POSTN: variants seen among roughly 807,000 people sequenced by gnomAD.
The protein encoded by POSTN is osteoblast specific factor 2 (fasciclin I-like).
POSTN carries 71 observed loss-of-function variants against 104.5 expected under a neutral mutation model. The observed-to-expected ratio is 0.68, with a 90% CI of 0.56 to 0.83. The LOEUF is 0.83. Ranked by LOEUF, POSTN falls within the 40% of genes least tolerant of loss-of-function variation. The pLI, the probability that POSTN is intolerant of heterozygous loss-of-function variation, is 0.00. For synonymous variants in POSTN, 355 were observed against 340.7 expected (o/e 1.04, Z -0.46); for missense variants, 949 against 1,006.8 (o/e 0.94, Z 0.78).
chr13:37,598,609 C>G lies in POSTN; in HGVS notation c.118G>C (p.Gly40Arg). 6.2e-7 allele frequency: 1 copy of G among 1,610,376 alleles called. No individual in the cohort carries two copies. Among genetic ancestry groups the G allele is most frequent in the Non-Finnish European group, 8.5e-7 (1 of 1,177,404 alleles). ...TATAAAACCAAACCACTCACTTACC[C>G]TTGGTCCCGACCCCTGATACGACTA... is the stretch of plus-strand genomic sequence containing the variant. ...AHSRIRGRDQ[G>R]PNVCALQQIL... Residue 40 changes from glycine to arginine, a missense_variant and splice_region_variant, in exon 1 of 23, where the codon GGC becomes CGC. Physicochemically the swap from Gly to Arg is moderately radical, Grantham distance 125 (BLOSUM62 -2). Transcript: ENST00000379747.
intron 16 of POSTN, among the ~76,000 whole-genome samples, chr13:37,576,745 A>G (rs1950421652): frequency 1.3e-5 from 2 of 152,130 alleles, no homozygotes; most frequent in Non-Finnish European, 2.9e-5. Context: ...AATCATAACT[A>G]TTCCAATTAA....
intron 11 of POSTN, among the ~76,000 whole-genome samples, 190 bp from the exon 12 acceptor site, chr13:37,580,181 C>T (rs1290394559): frequency 1.3e-5 from 2 of 152,146 alleles, no homozygotes; most frequent in Admixed American, 6.5e-5. Flanking sequence ...ATATACAATA[C>T]AATTTTTAAT....
Position 37,569,302 on chromosome 13 carries a change from C to A in POSTN, c.2429G>T (p.Gly810Val). 6.2e-7 allele frequency: 1 copy of A among 1,610,058 alleles called. No individual in the cohort carries two copies. The highest frequency in any genetic ancestry group is 1.1e-5 in the South Asian group (1 of 90,968). Residue 810 changes from glycine to valine, a missense_variant and splice_region_variant, in exon 21 of 23, where the codon GGA (glycine) becomes GTA (valine). Transcript: ENST00000379747. Reference sequence around the variant, plus strand: ...TTAGTTGTTGTCCTTTTACTAACCTCCCTGAAGCAGTCTTTTAATTTCTTC... The same window carrying A: ...TTAGTTGTTGTCCTTTTACTAACCTACCTGAAGCAGTCTTTTAATTTCTTC... ...EDEEIKRLLQ[G>V]DTPVRKLQAN... is the part of the protein sequence containing the mutation.
In POSTN at chr13:37,584,901, G is replaced by T; in HGVS notation, c.923C>A (p.Thr308Asn). ...EALMKYHILN[T>N]LQCSESIMGG... ...CATAATAGACTCAGAACACTGGAGA[G>T]TATTTAAGATGTGGTACTTCATAAG... Residue 308 changes from threonine to asparagine, a missense_variant, in exon 8 of 23, where the codon ACT becomes AAT. Transcript: ENST00000379747. 1 of 1,613,798 alleles carries T rather than the reference G, an allele frequency of 6.2e-7. No homozygotes were observed. Among genetic ancestry groups the T allele is most frequent in the Non-Finnish European group, 8.5e-7 (1 of 1,179,892 alleles).
At chr13:37,577,240 A>G (rs982637107) in intron 16 of POSTN, among the ~76,000 whole-genome samples, 1 of 152,158 alleles carries the variant, frequency 6.6e-6, no homozygotes, top group African/African-American at 2.4e-5. Flanking sequence ...GAAACTTTAA[A>G]TTTGTCACAT....
At chr13:37,571,941 T>G (rs1048354364) in intron 17 of POSTN, among the ~76,000 whole-genome samples, 1 of 151,614 alleles carries the variant, frequency 6.6e-6, no homozygotes, top group Non-Finnish European at 1.5e-5. Context: ...GGAGTGAACA[T>G]AAGAAAGTAC....
intron 20 of POSTN, 145 bp downstream of exon 20, chr13:37,569,599 A>G (rs1393435930): frequency 3.6e-6 from 3 of 834,072 alleles, no homozygotes; most frequent in Admixed American, 1.9e-5. Flanking sequence ...TTTATGCTTA[A>G]TTCCTTATTC....
chr13:37,579,499 T>TGCTATTTC (rs1388341113), intron 12 of POSTN, 140 bp from the exon 13 acceptor site: 1 of 749,834 alleles, frequency 1.3e-6, no homozygotes, highest in Non-Finnish European at 2.1e-6. Flanking sequence ...TAGATATCGA[T>TGCTATTTC]GCTATTTCAA....
At chr13:37,587,095 A>G (rs1467645658) in intron 5 of POSTN, among the ~76,000 whole-genome samples, 167 bp from the exon 6 acceptor site, 1 of 152,184 alleles carries the variant, frequency 6.6e-6, no homozygotes, top group East Asian at 1.9e-4. Flanking sequence ...TGTTATATCT[A>G]AAAAAGAAAC....
chr13:37,586,800 A>G lies in POSTN; in HGVS notation c.735T>C (p.Asp245=). Residue 245 remains aspartate, a synonymous_variant, in exon 6 of 23, where the codon GAT becomes GAC. Transcript: ENST00000379747. ...TSIQDFIEAE[D]DLSSFRAAAI... ...GACTTACTCTAAAAGATGAAAGGTC[A>G]TCTTCTGCTTCAATGAAGTCTTGAA... 6.2e-7 allele frequency: 1 copy of G among 1,613,230 alleles called. No individual in the cohort carries two copies. The highest frequency in any genetic ancestry group is 2.2e-5 in the East Asian group (1 of 44,844).
rs1268734254 is a variant in POSTN at position 37,593,687 on chromosome 13, A to G, written c.219-1523T>C. Reference sequence around the variant, plus strand: ...GAAGTATGAATGAATAAAATAATTTAGACATGAAAGAGATCGCCAAGTATA... The same window carrying G: ...GAAGTATGAATGAATAAAATAATTTGGACATGAAAGAGATCGCCAAGTATA... On this transcript the variant is annotated intron_variant, in intron 2 of 22. Transcript: ENST00000379747. 2.6e-5 allele frequency among the ~76,000 whole-genome samples: 4 copies of G among 151,696 alleles called. No homozygotes were observed. In the East Asian group the frequency reaches 7.8e-4, roughly 29 times the overall value.
At chr13:37,598,572 AG>A (rs1951156039) in intron 1 of POSTN, 35 bp downstream of exon 1, 2 of 1,585,634 alleles carry the variant, frequency 1.3e-6, no homozygotes, top group Non-Finnish European at 1.7e-6. Context: ...CTGAGGAAAA[AG>A]AAAAATGGTT....
chr13:37,578,199 T>C (rs1950470468), intron 15 of POSTN, among the ~76,000 whole-genome samples: 1 of 152,214 alleles, frequency 6.6e-6, no homozygotes, highest in Non-Finnish European at 1.5e-5. Context: ...GATACAACGA[T>C]TTTAGTCATT....
rs560216248 is a variant in POSTN at position 37,589,247 on chromosome 13, T to C, written c.441+1125A>G. Among the ~76,000 whole-genome samples the C allele has an allele frequency of 2.6e-5, 4 of 152,284 alleles. No individual in the cohort carries two copies. The South Asian group carries it at 8.3e-4, about 32-fold the overall frequency. On this transcript the variant is annotated intron_variant, in intron 4 of 22. Coordinates refer to ENST00000379747, the MANE Select transcript of POSTN (RefSeq NM_006475.3). ...ACAACAAGCGTAGGTTTACTGTTTG[T>C]ATGCACTAAAGTGATAGTTGAAACC...
intron 15 of POSTN, among the ~76,000 whole-genome samples, chr13:37,578,157 T>C (rs1950469343): frequency 6.6e-6 from 1 of 152,222 alleles, no homozygotes; most frequent in Non-Finnish European, 1.5e-5. Flanking sequence ...TGAATGTTCT[T>C]TCCTTTATAT....
rs201979350 is a variant in POSTN at position 37,592,049 on chromosome 13, C to A, written c.283+51G>T. On this transcript the variant is annotated intron_variant, in intron 3 of 22. Transcript: ENST00000379747. The stretch of plus-strand genomic sequence containing the variant: ...TTGGCTTCTCCACAAGCCACCTCAA[C>A]CCTTTCTTTGCATATAATTCCTTAT... 65 of 1,346,906 alleles carry A rather than the reference C, an allele frequency of 4.8e-5. No homozygotes were observed. In the East Asian group the frequency reaches 8.3e-4, roughly 17 times the overall value. 83.4% of individuals were successfully genotyped at this position (1,346,906 alleles called of 1,614,324 possible).
At chr13:37,565,564 C>T (rs1950073551) in intron 21 of POSTN, 1 of 151,924 alleles carries the variant, frequency 6.6e-6, no homozygotes, top group African/African-American at 2.4e-5. Flanking sequence ...TGACACCAAG[C>T]AAATTTTTTA....
At position 37,590,474 on chromosome 13, in the gene POSTN, C is replaced by G. The variant is rs918101710; in HGVS notation, c.339G>C (p.Thr113=). Reference sequence around the variant, plus strand: ...GTTTTGAGGCGTCAGAATAGCGCTGCGTTGTGGTGGCTCCCACGATGCCCA... The same window carrying G: ...GTTTTGAGGCGTCAGAATAGCGCTGGGTTGTGGTGGCTCCCACGATGCCCA... ...GTLGIVGATT[T]QRYSDASKLR... The change falls in exon 4 of 23, where the codon ACG becomes ACC. Residue 113 remains threonine, a synonymous_variant. Transcript: ENST00000379747. The G allele has an allele frequency of 6.2e-7, 1 of 1,613,078 alleles. No individual in the cohort carries two copies. Among genetic ancestry groups the G allele is most frequent in the Non-Finnish European group, 8.5e-7 (1 of 1,179,350 alleles).
chr13:37,575,401 C>A (rs534045751), intron 16 of POSTN, among the ~76,000 whole-genome samples: 1 of 151,886 alleles, frequency 6.6e-6, no homozygotes, highest in Non-Finnish European at 1.5e-5. Flanking sequence ...GAAGCCTAAA[C>A]CCCAGCATTA....
Sources: allele counts gnomAD v4.1 joint callset (sites outside exome capture counted in the v4.1 genomes callset), GRCh38; gene constraint gnomAD v4.1.1; transcripts MANE v1.5; gene names NCBI Gene and HGNC (gene_info 2026-07-23, HGNC 2026-07-21).